Variants in DENND6A observed in about 807,000 individuals in gnomAD.
DENND6A encodes DENN domain containing 6A.
DENND6A carries 43 observed loss-of-function variants against 95.5 expected under a neutral mutation model. That is an observed-to-expected ratio of 0.45 (90% CI 0.35 to 0.58). The LOEUF (loss-of-function observed/expected upper bound fraction) is 0.58, where lower values mean the gene tolerates loss of function less well. Among genes scored for constraint, DENND6A ranks in the 20% least tolerant of loss-of-function variants. The pLI is 0.00. For synonymous variants in DENND6A, 257 were observed against 260.4 expected (o/e 0.99, Z 0.13); for missense variants, 574 against 736.0 (o/e 0.78, Z 2.55).
At chr3:57,636,129 T>G (rs1303015508) in intron 12 of DENND6A, among the ~76,000 whole-genome samples, 1 of 152,198 alleles carries the variant, frequency 6.6e-6, no homozygotes, top group Non-Finnish European at 1.5e-5. Flanking sequence ...TGTTAGAACT[T>G]AAGTTATGGA....
intron 9 of DENND6A, among the ~76,000 whole-genome samples, chr3:57,657,420 T>C (rs1340393297): frequency 2.0e-5 from 3 of 152,200 alleles, no homozygotes; most frequent in Non-Finnish European, 2.9e-5. Flanking sequence ...GCATGTTTTC[T>C]AACATTATTA....
intron 11 of DENND6A, among the ~76,000 whole-genome samples, chr3:57,644,286 G>C (rs548180285): frequency 6.6e-6 from 1 of 152,146 alleles, no homozygotes; most frequent in African/African-American, 2.4e-5. Context: ...CAGCCCAGGA[G>C]AGAACAGTAT....
At chr3:57,682,981 T>C (rs1466155201) in intron 1 of DENND6A, among the ~76,000 whole-genome samples, 2 of 152,192 alleles carry the variant, frequency 1.3e-5, no homozygotes, top group Non-Finnish European at 2.9e-5. Context: ...CCTGGCCGAC[T>C]ATATGCTCTT....
At chr3:57,691,376 GCACTGCA>G (rs2077262777) in intron 1 of DENND6A, among the ~76,000 whole-genome samples, 1 of 152,132 alleles carries the variant, frequency 6.6e-6, no homozygotes, top group Non-Finnish European at 1.5e-5. Flanking sequence ...TAGGTGCCAG[GCACTGCA>G]TTTGGCCTTA....
Position 57,651,970 on chromosome 3 carries a change from G to A in DENND6A, c.819-5532C>T, listed in dbSNP as rs192669372. Reference sequence around the variant, plus strand: ...ACTCCTGTAACCCCAACACCTAGGTGGGAGGATCACTTGAGGCAAGAGTTT... The same window carrying A: ...ACTCCTGTAACCCCAACACCTAGGTAGGAGGATCACTTGAGGCAAGAGTTT... On this transcript the variant is annotated intron_variant, in intron 9 of 19. Transcript: ENST00000311128. Among the ~76,000 whole-genome samples the A allele has an allele frequency of 6.9e-3, 1,050 of 152,206 alleles. 7 individuals carry two copies. The highest frequency in any genetic ancestry group is 0.011 in the Non-Finnish European group (779 of 68,008).
chr3:57,658,315 T>C (rs1019962420), intron 8 of DENND6A, among the ~76,000 whole-genome samples: 2 of 151,142 alleles, frequency 1.3e-5, no homozygotes, highest in Non-Finnish European at 2.9e-5. Context: ...GATCACTTGA[T>C]GCCAGGAGTT....
At chr3:57,657,789 T>A (rs964914487) in intron 8 of DENND6A, 54 bp from the exon 9 acceptor site, 96 of 1,128,142 alleles carry the variant, frequency 8.5e-5, no homozygotes, top group Non-Finnish European at 1.2e-4. Context: ...TTATGGAAAA[T>A]TTTAAAATAT....
chr3:57,635,616 T>C (rs191956836), intron 12 of DENND6A, among the ~76,000 whole-genome samples: 1 of 152,296 alleles, frequency 6.6e-6, no homozygotes, highest in East Asian at 1.9e-4. Context: ...CAAAATGCCT[T>C]TGTTTAAATA....
intron 1 of DENND6A, among the ~76,000 whole-genome samples, chr3:57,688,810 CTTAAGTTTAT>C (rs1339935274): frequency 6.6e-6 from 1 of 152,094 alleles, no homozygotes; most frequent in Non-Finnish European, 1.5e-5. Context: ...TGTCCCTTTA[CTTAAGTTTAT>C]TTGAGGTTTC....
intron 7 of DENND6A, among the ~76,000 whole-genome samples, 185 bp from the exon 8 acceptor site, chr3:57,659,365 G>C (rs2071383528): frequency 6.6e-6 from 1 of 151,974 alleles, no homozygotes; most frequent in Non-Finnish European, 1.5e-5. Flanking sequence ...AGTAAATCAA[G>C]GTCTCCATAC....
chr3:57,634,951 G>A (rs1460862508), intron 12 of DENND6A, among the ~76,000 whole-genome samples, 182 bp from the exon 13 acceptor site: 1 of 151,966 alleles, frequency 6.6e-6, no homozygotes, highest in African/African-American at 2.4e-5. Context: ...CAAGAATACT[G>A]GATTACTACA....
intron 1 of DENND6A, among the ~76,000 whole-genome samples, chr3:57,682,850 G>A (rs1318645305): frequency 1.3e-5 from 2 of 152,030 alleles, no homozygotes; most frequent in African/African-American, 4.8e-5. Context: ...TAATTTTTTT[G>A]TATTTTCAGT....
At chr3:57,669,600 A>G (rs2071581027) in intron 3 of DENND6A, among the ~76,000 whole-genome samples, 1 of 151,758 alleles carries the variant, frequency 6.6e-6, no homozygotes, top group Non-Finnish European at 1.5e-5. Flanking sequence ...CTGTAGTCCC[A>G]GCTACTCGGG....
At chr3:57,630,266 T>C (rs2070636788) in intron 18 of DENND6A, 155 bp downstream of exon 18, 1 of 593,872 alleles carries the variant, frequency 1.7e-6, no homozygotes, top group Non-Finnish European at 2.8e-6. Context: ...ATAAAGCCCC[T>C]ATAATGTCCT....
In DENND6A at chr3:57,693,064, C is replaced by T; in HGVS notation, c.-46G>A. On this transcript the variant is annotated 5_prime_UTR_variant, in exon 1 of 20. Transcript: ENST00000311128. ...GCGCCGCCTCCACAGCGGACCGCGC[C>T]GCAGAGCGCGCTTGCCTCCGCGCAG... 3.7e-6 allele frequency: 5 copies of T among 1,338,752 alleles called. No individual in the cohort carries two copies. The highest frequency in any genetic ancestry group is 3.1e-5 in the African/African-American group (2 of 64,822). 82.9% of individuals were successfully genotyped at this position (1,338,752 alleles called of 1,614,324 possible). A position where few individuals can be genotyped will look rare whatever the true frequency, so the allele number is the denominator to read the frequency against.
At chr3:57,663,484 A>AG (rs1431431826) in intron 5 of DENND6A, 152 bp downstream of exon 5, 1 of 202,532 alleles carries the variant, frequency 4.9e-6, no homozygotes, top group African/African-American at 3.5e-5. Flanking sequence ...AAAAAAAAAA[A>AG]AAAATATATA....
At chr3:57,646,840 T>C (rs2071089829) in intron 9 of DENND6A, among the ~76,000 whole-genome samples, 1 of 152,184 alleles carries the variant, frequency 6.6e-6, no homozygotes, top group Non-Finnish European at 1.5e-5. Flanking sequence ...TTATTGGATA[T>C]ACTTAACTTA....
intron 9 of DENND6A, among the ~76,000 whole-genome samples, chr3:57,654,233 G>A (rs1158043201): frequency 6.6e-6 from 1 of 152,008 alleles, no homozygotes. Context: ...GGGATTACAG[G>A]TGTGAGCCAC....
intron 18 of DENND6A, among the ~76,000 whole-genome samples, 189 bp from the exon 19 acceptor site, chr3:57,629,074 C>A (rs1018494011): frequency 6.6e-6 from 1 of 152,178 alleles, no homozygotes; most frequent in Non-Finnish European, 1.5e-5. Context: ...TAATTTTCTG[C>A]ATTAGCCAGA....
Sources: gnomAD v4.1 joint callset for allele counts (sites outside exome capture counted in the v4.1 genomes callset) on GRCh38, gnomAD v4.1.1 for gene constraint, MANE v1.5 for transcripts, NCBI Gene and HGNC (gene_info 2026-07-23, HGNC 2026-07-21) for gene names.